The following DCC variants were observed in gnomAD, a reference collection of about 807,000 sequenced individuals.
DCC encodes DCC netrin 1 receptor.
A neutral mutation model predicts 172.5 loss-of-function variants in DCC; 58 were observed. The observed-to-expected ratio is 0.34, with a 90% CI of 0.27 to 0.42. DCC has a LOEUF of 0.42. DCC is among the 10% of genes least tolerant of loss of function. The pLI, the probability that DCC is intolerant of heterozygous loss-of-function variation, is 1.00. For synonymous variants in DCC, 709 were observed against 644.5 expected, an observed-to-expected ratio of 1.10 and a Z score of -1.52; for missense variants, 1,740 against 1,791.0, an observed-to-expected ratio of 0.97 and a Z score of 0.51.
chr18:52,391,125 T>C (rs1387127039), intron 1 of DCC, among the ~76,000 whole-genome samples: 2 of 152,124 alleles, frequency 1.3e-5, no homozygotes, highest in East Asian at 1.9e-4. Context: ...TATTTCCATT[T>C]TGAAGATGAA....
intron 2 of DCC, among the ~76,000 whole-genome samples, chr18:52,879,412 C>CTTTTTTTTTTGTTTTTT (rs2039448821): frequency 1.6e-5 from 1 of 62,356 alleles, no homozygotes; most frequent in Non-Finnish European, 2.9e-5. Context: ...TGTTGTTTGG[C>CTTTTTTTTTTGTTTTTT]TTTTTTTTTT....
chr18:52,351,972 G>A (rs907982081), intron 1 of DCC, among the ~76,000 whole-genome samples: 1 of 152,114 alleles, frequency 6.6e-6, no homozygotes, highest in Non-Finnish European at 1.5e-5. Context: ...ACACAGCCCT[G>A]TGGTCTTTGG....
intron 1 of DCC, among the ~76,000 whole-genome samples, chr18:52,725,398 G>A (rs1208852348): frequency 6.6e-6 from 1 of 152,208 alleles, no homozygotes; most frequent in Non-Finnish European, 1.5e-5. Flanking sequence ...TTGCAAGAAT[G>A]TCAATTAGGT....
At chr18:53,529,898 T>G (rs2046506323) in intron 28 of DCC, among the ~76,000 whole-genome samples, 1 of 152,180 alleles carries the variant, frequency 6.6e-6, no homozygotes, top group Admixed American at 6.5e-5. Flanking sequence ...GAGTTCAACC[T>G]CTTCTTTTAT....
chr18:52,639,062 T>C (rs555815377), intron 1 of DCC, among the ~76,000 whole-genome samples: 32 of 152,230 alleles, frequency 2.1e-4, no homozygotes, highest in South Asian at 1.2e-3. Context: ...TGAATGAGCA[T>C]TGGGTCAAAA....
chr18:52,856,026 A>G lies in DCC; in HGVS notation c.413-50018A>G, dbSNP rs1271068088. On this transcript the variant is annotated intron_variant, in intron 2 of 28. Coordinates refer to ENST00000442544, the MANE Select transcript of DCC (RefSeq NM_005215.4). ...GTGATCCACCTGCCTCGGCCTCCCAAAGTGCTGGGATTACAGGCGTGAGCC... is the reference window on the plus strand; with the variant it reads ...GTGATCCACCTGCCTCGGCCTCCCAGAGTGCTGGGATTACAGGCGTGAGCC... Among the ~76,000 whole-genome samples the G allele has an allele frequency of 2.6e-5, 4 of 151,884 alleles. No individual in the cohort carries two copies. In the East Asian group the frequency reaches 7.8e-4, roughly 30 times the overall value.
chr18:53,005,881 T>C (rs944393745), intron 5 of DCC, among the ~76,000 whole-genome samples: 7 of 152,222 alleles, frequency 4.6e-5, no homozygotes, highest in African/African-American at 1.7e-4. Flanking sequence ...TCTCTGGTCT[T>C]CCCTCATTAA....
chr18:53,005,213 C>T (rs2041626256), intron 5 of DCC, among the ~76,000 whole-genome samples: 1 of 152,126 alleles, frequency 6.6e-6, no homozygotes, highest in South Asian at 2.1e-4. Flanking sequence ...TAACACGAAA[C>T]AAACTATGAC....
chr18:52,871,537 C>T (rs916121567), intron 2 of DCC, among the ~76,000 whole-genome samples: 3 of 152,116 alleles, frequency 2.0e-5, no homozygotes, highest in African/African-American at 7.2e-5. Flanking sequence ...GATCATAGTT[C>T]ACTGCCACCT....
At position 53,461,595 on chromosome 18, in the gene DCC, T is replaced by C. The variant is rs914469105; in HGVS notation, c.3619+2137T>C. On this transcript the variant is annotated intron_variant, in intron 24 of 28. Transcript: ENST00000442544. ...TTGTCAAAGATCACATAGTTGTAGA[T>C]ATGTGGCTTTATTTCCTGTTTTTAA... Among the ~76,000 whole-genome samples, 12 of 152,214 alleles carry C rather than the reference T, an allele frequency of 7.9e-5. No individual in the cohort carries two copies. In the East Asian group the frequency reaches 2.3e-3, roughly 29 times the overall value.
chr18:53,285,964 C>T (rs2056930866), intron 12 of DCC, among the ~76,000 whole-genome samples: 1 of 152,192 alleles, frequency 6.6e-6, no homozygotes, highest in African/African-American at 2.4e-5. Flanking sequence ...CAATTGCTCC[C>T]ATTTGGAATG....
At chr18:52,411,388 C>T (rs1028042102) in intron 1 of DCC, among the ~76,000 whole-genome samples, 13 of 152,126 alleles carry the variant, frequency 8.5e-5, no homozygotes, top group African/African-American at 3.1e-4. Context: ...CTGTTGGACC[C>T]TGCATGGAAA....
At chr18:52,877,832 A>C (rs185659320) in intron 2 of DCC, among the ~76,000 whole-genome samples, 2 of 152,092 alleles carry the variant, frequency 1.3e-5, no homozygotes, top group East Asian at 1.9e-4. Context: ...ACAAGCAAAT[A>C]TTTTGTCATA....
intron 1 of DCC, among the ~76,000 whole-genome samples, chr18:52,600,905 T>A (rs1021888246): frequency 2.0e-5 from 3 of 152,160 alleles, no homozygotes. Context: ...GTCTCATCCC[T>A]AGTGAGTAAA....
At chr18:52,755,748 C>G (rs1049517223) in intron 2 of DCC, among the ~76,000 whole-genome samples, 3 of 152,182 alleles carry the variant, frequency 2.0e-5, no homozygotes, top group Non-Finnish European at 4.4e-5. Flanking sequence ...ATGTTTTGTA[C>G]TCTCAGGTGC....
chr18:53,097,641 C>G (rs766392598), intron 7 of DCC, among the ~76,000 whole-genome samples: 2 of 152,094 alleles, frequency 1.3e-5, no homozygotes, highest in Non-Finnish European at 2.9e-5. Context: ...TCGAAAATAG[C>G]ATGGACTGGG....
At chr18:52,360,052 T>A (rs544256764) in intron 1 of DCC, among the ~76,000 whole-genome samples, 2 of 152,340 alleles carry the variant, frequency 1.3e-5, no homozygotes, top group East Asian at 3.9e-4. Context: ...ATTTTTATTG[T>A]TGTGGGTAAT....
intron 28 of DCC, 132 bp from the exon 29 acceptor site, chr18:53,530,432 G>A (rs973510701): frequency 5.4e-6 from 4 of 735,720 alleles, no homozygotes; most frequent in Non-Finnish European, 1.0e-5. Context: ...TATATTCCAA[G>A]GACAGCCCTG....
intron 1 of DCC, among the ~76,000 whole-genome samples, chr18:52,642,318 G>C (rs117020844): frequency 1.3e-5 from 2 of 151,628 alleles, no homozygotes; most frequent in East Asian, 3.9e-4. Context: ...TGGGGAATTC[G>C]GGGGAAGAGT....
Sources: allele counts gnomAD v4.1 joint callset (sites outside exome capture counted in the v4.1 genomes callset), GRCh38; gene constraint gnomAD v4.1.1; transcripts MANE v1.5; gene names NCBI Gene and HGNC (gene_info 2026-07-23, HGNC 2026-07-21).